Variants in SNED1 observed in about 807,000 individuals in gnomAD.
SNED1 encodes the protein sushi, nidogen and EGF like domains 1.
In SNED1, 81 loss-of-function variants were observed where a neutral mutation model predicts 166.7. The ratio of observed to expected loss-of-function variants is 0.49; its 90% CI spans 0.41 to 0.58. SNED1 has a LOEUF of 0.58. Ranked by LOEUF, SNED1 falls within the 20% of genes least tolerant of loss-of-function variation. The probability of loss-of-function intolerance (pLI) is 0.00; values close to 1 mark genes in which losing one functional copy is unlikely to be tolerated. For missense variants in SNED1, 1,604 were observed against 2,000.2 expected (o/e 0.80, Z 3.78); for synonymous variants, 762 against 822.0 (o/e 0.93, Z 1.25).
rs748323349 is a variant in SNED1 at position 241,052,375 on chromosome 2, A to G, written c.1990A>G (p.Ser664Gly). The G allele has an allele frequency of 1.3e-6, 2 of 1,580,958 alleles. No homozygotes were observed. The highest frequency in any genetic ancestry group is 2.7e-5 in the African/African-American group (2 of 74,380). The change falls in exon 15 of 32, where the codon AGC becomes GGC. Residue 664 changes from serine (S) to glycine (G), a missense_variant. By Grantham distance (56) the Ser-to-Gly change is moderately conservative. Around this residue, in one of 2 missense-constraint regions of SNED1, gnomAD observed 1,237 missense variants for 1,620.8 expected, o/e 0.76. Transcript: ENST00000310397. ...CEIAPSPCFR[S>G]PCVNGGTCED... ...GGCAGCCCCCTCCCCCTGCTTCCGG[A>G]GCCCGTGTGTGAATGGGGGCACCTG...
intron 24 of SNED1, 24 bp downstream of exon 24, chr2:241,070,225 T>C: frequency 6.3e-7 from 1 of 1,583,324 alleles, no homozygotes; most frequent in Admixed American, 1.7e-5. Flanking sequence ...GCCCTGCGCG[T>C]GGGCGGGGCC....
chr2:241,076,987 G>A (rs2063054696), intron 27 of SNED1, among the ~76,000 whole-genome samples: 1 of 152,172 alleles, frequency 6.6e-6, no homozygotes, highest in East Asian at 1.9e-4. Context: ...GCTGAGGCAG[G>A]AGAATGGCGT....
At chr2:241,080,102 T>C (rs1247490237) in intron 27 of SNED1, among the ~76,000 whole-genome samples, 3 of 152,098 alleles carry the variant, frequency 2.0e-5, no homozygotes, top group Middle Eastern at 3.2e-3. Context: ...CTGGACAACA[T>C]GGTGAAACCC....
At position 241,065,437 on chromosome 2, in the gene SNED1, C is replaced by T. The variant is rs374638172; in HGVS notation, c.2852C>T (p.Ser951Phe). 1 of 1,613,092 alleles carries T rather than the reference C, an allele frequency of 6.2e-7. No homozygotes were observed. Among genetic ancestry groups the T allele is most frequent in the Non-Finnish European group, 8.5e-7 (1 of 1,179,862 alleles). ...YAVTYVSSDG[S>F]YRRTDFVDRT... Reference sequence around the variant, plus strand: ...GTCACCTACGTCTCCTCCGACGGCTCCTACCGCCGCACAGACTTTGTGGAC... The same window carrying T: ...GTCACCTACGTCTCCTCCGACGGCTTCTACCGCCGCACAGACTTTGTGGAC... Residue 951 changes from serine to phenylalanine, a missense_variant, in exon 21 of 32, where the codon TCC (serine) becomes TTC (phenylalanine). This residue lies in a region of SNED1 where 1,237 missense variants were observed against 1,620.8 expected (regional missense o/e 0.76). Coordinates refer to ENST00000310397, the MANE Select transcript of SNED1 (RefSeq NM_001080437.3).
chr2:241,040,343 T>A lies in SNED1; in HGVS notation c.1203T>A (p.Ser401=), dbSNP rs745524067. 5 of 1,609,810 alleles carry A rather than the reference T, an allele frequency of 3.1e-6. No homozygotes were observed. In the Admixed American group the frequency reaches 8.4e-5, roughly 27 times the overall value. ...CSPDPCLNGG[S]CVDLVGNYTC... ...CTGACCCCTGCCTGAATGGAGGCTC[T>A]TGTGTTGACCTAGTGGGGAATTACA... The change falls in exon 8 of 32, where the codon TCT becomes TCA. Residue 401 remains serine (S), a synonymous_variant. Coordinates refer to ENST00000310397, the MANE Select transcript of SNED1 (RefSeq NM_001080437.3).
intron 2 of SNED1, among the ~76,000 whole-genome samples, chr2:241,031,503 G>A (rs1337566242): frequency 6.6e-6 from 1 of 152,226 alleles, no homozygotes; most frequent in Non-Finnish European, 1.5e-5. Flanking sequence ...GGACGAAGCA[G>A]ACAAGACGCA....
At chr2:241,000,962 G>T (rs541233962) in intron 1 of SNED1, among the ~76,000 whole-genome samples, 75 of 152,362 alleles carry the variant, frequency 4.9e-4, no homozygotes, top group African/African-American at 1.8e-3. Flanking sequence ...TTGGCAGCAG[G>T]TTAGGGCTGA....
At chr2:241,081,905 C>A in intron 28 of SNED1, 112 bp downstream of exon 28, 1 of 800,986 alleles carries the variant, frequency 1.2e-6, no homozygotes. Flanking sequence ...GATGAGGTGC[C>A]AGACAGGGAG....
chr2:241,075,177 T>C lies in SNED1; in HGVS notation c.3916+1813T>C, dbSNP rs1417292659. On this transcript the variant is annotated intron_variant, in intron 27 of 31. Coordinates refer to ENST00000310397, the MANE Select transcript of SNED1 (RefSeq NM_001080437.3). This position sits in a 1 kb window ranked among gnomAD's most constrained non-coding sequence, Gnocchi z 4.8. ...CTCTGTGCAGAGAACATGTAGGTTG[T>C]GTTTGGTATGAGCAGTGCTGCAGTG... 2 of 152,160 alleles carry C rather than the reference T, an allele frequency of 1.3e-5. No individual in the cohort carries two copies. The highest frequency in any genetic ancestry group is 2.9e-5 in the Non-Finnish European group (2 of 68,044). 9.4% of individuals were successfully genotyped at this position (152,160 alleles called of 1,614,324 possible). A position where few individuals can be genotyped will look rare whatever the true frequency, so the allele number is the denominator to read the frequency against.
chr2:241,011,839 G>A (rs185642681), intron 1 of SNED1, among the ~76,000 whole-genome samples: 4 of 152,306 alleles, frequency 2.6e-5, no homozygotes, highest in African/African-American at 7.2e-5. Flanking sequence ...AGGAAGTCCC[G>A]CGGGCCTCTG....
At chr2:241,054,317 A>T (rs1282152075) in intron 16 of SNED1, among the ~76,000 whole-genome samples, 1 of 152,246 alleles carries the variant, frequency 6.6e-6, no homozygotes, top group Admixed American at 6.5e-5. Flanking sequence ...TCCAGAAAAT[A>T]TGTATGATCG....
chr2:241,000,571 C>A (rs1195712744), intron 1 of SNED1, among the ~76,000 whole-genome samples: 1 of 152,160 alleles, frequency 6.6e-6, no homozygotes, highest in Non-Finnish European at 1.5e-5. Context: ...AGCATTTGGG[C>A]CAGGCTCAGC....
chr2:241,020,900 T>C (rs560981489), intron 1 of SNED1, among the ~76,000 whole-genome samples: 1 of 152,120 alleles, frequency 6.6e-6, no homozygotes, highest in Non-Finnish European at 1.5e-5. Context: ...CCACAGTCCC[T>C]GAAAGTCCCC....
intron 1 of SNED1, among the ~76,000 whole-genome samples, chr2:241,012,810 C>T (rs2060452447): frequency 6.9e-6 from 1 of 145,014 alleles, no homozygotes; most frequent in African/African-American, 2.6e-5. Context: ...CGAGGCAGTA[C>T]TGTGTTTTTT....
At chr2:241,055,592 G>C (rs2062017730) in intron 16 of SNED1, among the ~76,000 whole-genome samples, 1 of 152,196 alleles carries the variant, frequency 6.6e-6, no homozygotes, top group South Asian at 2.1e-4. Context: ...TTAAAGAGTT[G>C]AGGAGGCAGA....
In SNED1 at chr2:240,998,815, C is replaced by A; in HGVS notation, c.-23C>A. The A allele has an allele frequency of 3.5e-6, 4 of 1,158,470 alleles. No homozygotes were observed. The highest frequency in any genetic ancestry group is 3.5e-5 in the South Asian group (1 of 28,540). 71.8% of individuals were successfully genotyped at this position (1,158,470 alleles called of 1,614,324 possible). ...CCAGCGCCCTGCTCCGCCAGCGCCC[C>A]GTCCCGCCCGCACACCTCCGCGATG... On this transcript the variant is annotated 5_prime_UTR_variant, in exon 1 of 32. Transcript: ENST00000310397.
At chr2:241,012,942 C>T (rs564505383) in intron 1 of SNED1, among the ~76,000 whole-genome samples, 4 of 151,634 alleles carry the variant, frequency 2.6e-5, no homozygotes, top group South Asian at 2.1e-4. Flanking sequence ...TTCACGCCAT[C>T]CTCCTGCCTC....
At chr2:241,056,931 C>G (rs1410935122) in intron 16 of SNED1, among the ~76,000 whole-genome samples, 1 of 152,080 alleles carries the variant, frequency 6.6e-6, no homozygotes, top group African/African-American at 2.4e-5. Flanking sequence ...GGGACAATAT[C>G]AAACAGGCAA....
rs148074591 is a variant in SNED1, at chr2:241,041,350, C to T, written c.1273+937C>T. ...TTTCAAAAATTTTTTGCAAATAAACCGTGTTTTCTACAGAATAATGATGCA... is the reference window on the plus strand; with the variant it reads ...TTTCAAAAATTTTTTGCAAATAAACTGTGTTTTCTACAGAATAATGATGCA... On this transcript the variant is annotated intron_variant, in intron 8 of 31. Coordinates refer to ENST00000310397, the MANE Select transcript of SNED1 (RefSeq NM_001080437.3). 17 of 158,156 alleles carry T rather than the reference C, an allele frequency of 1.1e-4. No homozygotes were observed. The East Asian group carries it at 3.0e-3, about 28-fold the overall frequency. 9.8% of individuals were successfully genotyped at this position (158,156 alleles called of 1,614,324 possible).
Sources: gnomAD v4.1 joint callset for allele counts (sites outside exome capture counted in the v4.1 genomes callset) on GRCh38, gnomAD v4.1.1 for gene constraint, gnomAD v4.1.1 regional missense constraint, Gnocchi (gnomAD v3.1) non-coding constraint, MANE v1.5 for transcripts, NCBI Gene and HGNC (gene_info 2026-07-23, HGNC 2026-07-21) for gene names.